Variants in TRPM3 observed in about 807,000 individuals in gnomAD.
TRPM3 encodes the protein long transient receptor potential channel 3.
Under a neutral mutation model 181.2 loss-of-function variants are expected in TRPM3, and 77 were observed. That is an observed-to-expected ratio of 0.42 (90% CI 0.35 to 0.51). TRPM3 has a LOEUF of 0.51. TRPM3 is among the 20% of genes least tolerant of loss of function. TRPM3 has a pLI of 0.01. For missense variants in TRPM3, 1,759 were observed against 2,196.7 expected (o/e 0.80, Z 3.98); for synonymous variants, 745 against 796.4 (o/e 0.94, Z 1.09).
At chr9:70,687,571 G>T (rs937917560) in intron 8 of TRPM3, among the ~76,000 whole-genome samples, 2 of 152,094 alleles carry the variant, frequency 1.3e-5, no homozygotes, top group Non-Finnish European at 2.9e-5. Context: ...CTTTTCCTCC[G>T]AATTCAGTTT....
At chr9:70,637,027 C>A (rs529032226) in intron 11 of TRPM3, among the ~76,000 whole-genome samples, 3 of 152,268 alleles carry the variant, frequency 2.0e-5, no homozygotes, top group Admixed American at 1.3e-4. Flanking sequence ...TGAGACAGGT[C>A]TATGAAATGC....
chr9:71,335,856 C>T (rs193241369), intron 1 of TRPM3, among the ~76,000 whole-genome samples: 17 of 152,092 alleles, frequency 1.1e-4, no homozygotes, highest in Non-Finnish European at 2.4e-4. Context: ...TGGGGAGATA[C>T]GATCCTTTTT....
intron 1 of TRPM3, among the ~76,000 whole-genome samples, chr9:71,098,481 C>T (rs570156374): frequency 8.5e-5 from 13 of 152,218 alleles, no homozygotes; most frequent in African/African-American, 2.6e-4. Flanking sequence ...TCAGCTGAGT[C>T]GCAATTTATA....
chr9:71,407,041 T>C (rs1250928031), intron 1 of TRPM3, among the ~76,000 whole-genome samples: 2 of 152,178 alleles, frequency 1.3e-5, no homozygotes, highest in African/African-American at 4.8e-5. Flanking sequence ...AAATTGGCTA[T>C]TTTCTCCTAG....
intron 1 of TRPM3, among the ~76,000 whole-genome samples, chr9:71,076,195 C>T (rs549815028): frequency 1.3e-5 from 2 of 152,242 alleles, no homozygotes; most frequent in African/African-American, 4.8e-5. Context: ...TTTTGCAAGA[C>T]GGCTGTTTGT....
chr9:71,242,913 G>A (rs2081800664), intron 1 of TRPM3, among the ~76,000 whole-genome samples: 1 of 152,124 alleles, frequency 6.6e-6, no homozygotes, highest in African/African-American at 2.4e-5. Context: ...TTAAACATAA[G>A]TCATTTTGCC....
chr9:70,834,921 T>C (rs1205824810), intron 5 of TRPM3, among the ~76,000 whole-genome samples: 1 of 152,220 alleles, frequency 6.6e-6, no homozygotes, highest in Non-Finnish European at 1.5e-5. Flanking sequence ...AATCTCATGT[T>C]GAAATGTAAT....
At chr9:71,153,193 A>G (rs150152434) in intron 1 of TRPM3, among the ~76,000 whole-genome samples, 2 of 152,146 alleles carry the variant, frequency 1.3e-5, no homozygotes, top group East Asian at 1.9e-4. Flanking sequence ...GTCACATGAC[A>G]ATTTTCTATT....
intron 1 of TRPM3, among the ~76,000 whole-genome samples, chr9:71,016,205 T>G (rs2097783318): frequency 6.6e-6 from 1 of 150,478 alleles, no homozygotes. Context: ...CTCATTGAAA[T>G]CCTTTAAAAA....
At chr9:71,317,735 G>A (rs1448534342) in intron 1 of TRPM3, among the ~76,000 whole-genome samples, 1 of 151,608 alleles carries the variant, frequency 6.6e-6, no homozygotes, top group East Asian at 1.9e-4. Flanking sequence ...AAAAACCATT[G>A]TTTTCATTCT....
intron 1 of TRPM3, among the ~76,000 whole-genome samples, chr9:71,267,388 C>T (rs944315843): frequency 1.1e-4 from 16 of 152,330 alleles, no homozygotes; most frequent in Admixed American, 5.2e-4. Context: ...ATCACTGTGG[C>T]TCTGACCCCA....
chr9:70,586,800 A>G lies in TRPM3; in HGVS notation c.3223+4231T>C, dbSNP rs117902563. 7.9e-5 allele frequency among the ~76,000 whole-genome samples: 12 copies of G among 152,344 alleles called. No homozygotes were observed. In the South Asian group the frequency reaches 2.5e-3, roughly 32 times the overall value. The stretch of plus-strand genomic sequence containing the variant: ...TAGTCATCTTCGTTCATGCTGCTCT[A>G]AACTTCACCATAAGCAGGCGTATTT... On this transcript the variant is annotated intron_variant, in intron 22 of 25. Coordinates refer to ENST00000677713, the MANE Select transcript of TRPM3 (RefSeq NM_001366145.2).
intron 1 of TRPM3, among the ~76,000 whole-genome samples, chr9:70,900,975 T>C (rs977669482): frequency 2.0e-5 from 3 of 152,254 alleles, no homozygotes; most frequent in African/African-American, 7.2e-5. Flanking sequence ...CAGTGGGATG[T>C]AGAAGGCAAC....
At chr9:71,381,126 T>G (rs2092790136) in intron 1 of TRPM3, among the ~76,000 whole-genome samples, 1 of 151,940 alleles carries the variant, frequency 6.6e-6, no homozygotes, top group South Asian at 2.1e-4. Context: ...CATGCAATGA[T>G]ACCAAACAAC....
chr9:71,380,506 G>C lies in TRPM3; in HGVS notation c.183+66147C>G, dbSNP rs1377836462. ...TAAGCAGAGTGGCCTTAATCCTGGG[G>C]AATCAGTAACCAACTCAAGCCCACA... is the stretch of plus-strand genomic sequence containing the variant. On this transcript the variant is annotated intron_variant, in intron 1 of 24. Coordinates refer to the TRPM3 transcript ENST00000357533. Among the ~76,000 whole-genome samples the C allele has an allele frequency of 3.9e-5, 6 of 151,934 alleles. No homozygotes were observed. In the South Asian group the frequency reaches 8.3e-4, roughly 21 times the overall value.
rs993201495 is a variant in TRPM3 at position 70,948,062 on chromosome 9, C to T, written c.178-83551G>A. Among the ~76,000 whole-genome samples, 3 of 149,742 alleles carry T rather than the reference C, an allele frequency of 2.0e-5. No individual in the cohort carries two copies. In the East Asian group the frequency reaches 5.8e-4, roughly 29 times the overall value. ...CTTGATTTTATAAAAAAACACCAGCCTTAGTATCATCCAAAATACAGCTCC... is the reference window on the plus strand; with the variant it reads ...CTTGATTTTATAAAAAAACACCAGCTTTAGTATCATCCAAAATACAGCTCC... On this transcript the variant is annotated intron_variant, in intron 1 of 25. Transcript: ENST00000677713.
intron 1 of TRPM3, among the ~76,000 whole-genome samples, chr9:71,089,177 T>C (rs2065784181): frequency 6.8e-6 from 1 of 147,926 alleles, no homozygotes. Context: ...GAATATATAT[T>C]TTTATGATAC....
chr9:70,870,377 A>G (rs538690066), intron 1 of TRPM3, among the ~76,000 whole-genome samples: 1 of 152,188 alleles, frequency 6.6e-6, no homozygotes, highest in Admixed American at 6.6e-5. Flanking sequence ...ATGATAAATA[A>G]GAACCAAATG....
intron 1 of TRPM3, among the ~76,000 whole-genome samples, chr9:71,181,234 C>T (rs1303976498): frequency 2.6e-5 from 4 of 152,102 alleles, no homozygotes; most frequent in African/African-American, 7.2e-5. Flanking sequence ...TGTATGGAAA[C>T]TGATCTTCTA....
Sources: allele counts gnomAD v4.1 joint callset (sites outside exome capture counted in the v4.1 genomes callset), GRCh38; gene constraint gnomAD v4.1.1; transcripts MANE v1.5; gene names NCBI Gene and HGNC (gene_info 2026-07-23, HGNC 2026-07-21).